Variants in LRMDA observed in about 807,000 individuals in gnomAD.
The protein encoded by LRMDA is leucine-rich melanocyte differentiation-associated protein.
In LRMDA, 18 loss-of-function variants were observed where a neutral mutation model predicts 29.8. That is an observed-to-expected ratio of 0.60 (90% CI 0.42 to 0.90). LRMDA has a LOEUF of 0.90. Ranked by LOEUF, LRMDA falls within the 40% of genes least tolerant of loss-of-function variation. LRMDA has a pLI of 0.00. For synonymous variants in LRMDA, 125 were observed against 109.4 expected (o/e 1.14, Z -0.89); for missense variants, 273 against 273.9 (o/e 1.00, Z 0.02).
At chr10:76,175,109 G>A (rs993570347) in intron 5 of LRMDA, among the ~76,000 whole-genome samples, 1 of 152,118 alleles carries the variant, frequency 6.6e-6, no homozygotes, top group African/African-American at 2.4e-5. Context: ...GTGACAGAGC[G>A]AGACTTCATC....
chr10:75,481,826 T>C (rs181082362), intron 2 of LRMDA, among the ~76,000 whole-genome samples: 1 of 152,310 alleles, frequency 6.6e-6, no homozygotes, highest in East Asian at 1.9e-4. Flanking sequence ...GAGCTGGTCA[T>C]GTCTCCTTTT....
intron 2 of LRMDA, among the ~76,000 whole-genome samples, chr10:75,532,773 C>T (rs1029326785): frequency 6.6e-6 from 1 of 152,090 alleles, no homozygotes; most frequent in African/African-American, 2.4e-5. Flanking sequence ...CCTGACCCTA[C>T]CCTAGACCTG....
chr10:76,557,152 G>A, intron 6 of LRMDA, 57 bp from the exon 7 acceptor site: 1 of 1,391,570 alleles, frequency 7.2e-7, no homozygotes, highest in Non-Finnish European at 1.0e-6. Context: ...CAGCACCTGT[G>A]TTTCCCTGCT....
chr10:76,064,925 AT>A (rs914824383), intron 5 of LRMDA, among the ~76,000 whole-genome samples: 14 of 151,434 alleles, frequency 9.2e-5, no homozygotes, highest in East Asian at 1.9e-4. Context: ...TGTTTTTATG[AT>A]TTTTTTTTCT....
At chr10:75,634,737 A>C (rs1005874596) in intron 2 of LRMDA, among the ~76,000 whole-genome samples, 1 of 152,260 alleles carries the variant, frequency 6.6e-6, no homozygotes, top group Non-Finnish European at 1.5e-5. Flanking sequence ...ATCAACTCAA[A>C]AACTATTAAA....
rs541350567 is a variant in LRMDA at position 76,258,243 on chromosome 10, C to A, written c.517-66158C>A. Reference sequence around the variant, plus strand: ...TCTCCAGGTATTCAAGTAACATTGGCAGTAATTTCCATCTTCATACTTCGT... The same window carrying A: ...TCTCCAGGTATTCAAGTAACATTGGAAGTAATTTCCATCTTCATACTTCGT... On this transcript the variant is annotated intron_variant, in intron 5 of 6. Coordinates refer to ENST00000611255, the MANE Select transcript of LRMDA (RefSeq NM_001305581.2). 1.9e-4 allele frequency among the ~76,000 whole-genome samples: 29 copies of A among 152,300 alleles called. No homozygotes were observed. In the South Asian group the frequency reaches 5.6e-3, roughly 29 times the overall value.
At chr10:75,708,049 G>A (rs1380272284) in intron 2 of LRMDA, among the ~76,000 whole-genome samples, 6 of 152,176 alleles carry the variant, frequency 3.9e-5, no homozygotes, top group Middle Eastern at 3.2e-3. Flanking sequence ...TAGTTCTAGT[G>A]TTTTCACTTA....
chr10:75,436,446 C>T (rs769727637), intron 1 of LRMDA, among the ~76,000 whole-genome samples: 77 of 151,338 alleles, frequency 5.1e-4, no homozygotes, highest in Non-Finnish European at 8.0e-4. Context: ...TCATTGTGAA[C>T]GTACAATACA....
At chr10:75,877,970 C>T (rs1483895528) in intron 2 of LRMDA, among the ~76,000 whole-genome samples, 1 of 152,194 alleles carries the variant, frequency 6.6e-6, no homozygotes, top group Non-Finnish European at 1.5e-5. Flanking sequence ...GTGTGGCTCG[C>T]TTCTTTGATG....
chr10:76,037,214 A>G lies in LRMDA; in HGVS notation c.258+1080A>G, dbSNP rs142725661. ...ATTCAGTGTCAACTGTGTTGTGTCCAAAGTCCAATGTCTGCATTCTACTGT... is the reference window on the plus strand; with the variant it reads ...ATTCAGTGTCAACTGTGTTGTGTCCGAAGTCCAATGTCTGCATTCTACTGT... On this transcript the variant is annotated intron_variant, in intron 3 of 6. Coordinates refer to ENST00000611255, the MANE Select transcript of LRMDA (RefSeq NM_001305581.2). 1.8e-4 allele frequency among the ~76,000 whole-genome samples: 28 copies of G among 152,348 alleles called. 1 individual carries two copies. The Middle Eastern group carries it at 0.017, about 93-fold the overall frequency.
chr10:76,364,042 C>T (rs527859205), intron 6 of LRMDA, among the ~76,000 whole-genome samples: 1 of 152,240 alleles, frequency 6.6e-6, no homozygotes, highest in East Asian at 1.9e-4. Context: ...TGATGGCTTA[C>T]TCCAACAAAA....
chr10:76,516,311 T>A (rs879341330), intron 6 of LRMDA, among the ~76,000 whole-genome samples: 4 of 151,944 alleles, frequency 2.6e-5, no homozygotes, highest in African/African-American at 4.8e-5. Flanking sequence ...AAAGGTGGGT[T>A]AAAACAGAGA....
intron 2 of LRMDA, among the ~76,000 whole-genome samples, chr10:75,591,215 A>C (rs1268855856): frequency 6.6e-6 from 1 of 152,180 alleles, no homozygotes. Flanking sequence ...AAGCCAAAAA[A>C]CAAAATGAAG....
intron 2 of LRMDA, among the ~76,000 whole-genome samples, chr10:75,602,069 T>C (rs371345749): frequency 1.9e-4 from 29 of 152,308 alleles, no homozygotes; most frequent in African/African-American, 7.0e-4. Flanking sequence ...CTTTTGGGAA[T>C]TCAGTGCTGG....
chr10:75,441,757 GCTTT>G (rs1844329124), intron 2 of LRMDA, among the ~76,000 whole-genome samples: 1 of 146,956 alleles, frequency 6.8e-6, no homozygotes, highest in South Asian at 2.1e-4. Flanking sequence ...ATCTCTACAG[GCTTT>G]CTTTCTTTTT....
intron 5 of LRMDA, among the ~76,000 whole-genome samples, chr10:76,265,750 A>G (rs1359056585): frequency 1.1e-4 from 16 of 152,172 alleles, no homozygotes; most frequent in Non-Finnish European, 1.5e-5. Flanking sequence ...GTTTGATGTT[A>G]TTACTAGTCA....
chr10:76,358,011 G>T (rs1841263714), intron 6 of LRMDA, among the ~76,000 whole-genome samples: 1 of 152,174 alleles, frequency 6.6e-6, no homozygotes, highest in Admixed American at 6.5e-5. Context: ...TGACAACAAA[G>T]TCCTCTCTAG....
chr10:75,912,593 G>A (rs72811485), intron 2 of LRMDA, among the ~76,000 whole-genome samples: 9,937 of 152,142 alleles, frequency 0.065, 382 homozygotes, highest in South Asian at 0.1. Flanking sequence ...TGTAGTTCAG[G>A]GTACATTAGG....
At chr10:75,635,356 C>T (rs1033714609) in intron 2 of LRMDA, among the ~76,000 whole-genome samples, 7 of 152,164 alleles carry the variant, frequency 4.6e-5, no homozygotes, top group East Asian at 1.9e-4. Flanking sequence ...TTTGGCCTTT[C>T]GCATGGTATG....
Sources: gnomAD v4.1 joint callset for allele counts (sites outside exome capture counted in the v4.1 genomes callset) on GRCh38, gnomAD v4.1.1 for gene constraint, MANE v1.5 for transcripts, NCBI Gene and HGNC (gene_info 2026-07-23, HGNC 2026-07-21) for gene names.